The following WNT9B variants were observed in gnomAD, a reference collection of about 807,000 sequenced individuals.
WNT9B encodes the protein Wnt family member 9B.
Under a neutral mutation model 30.2 loss-of-function variants are expected in WNT9B, and 12 were observed. The observed-to-expected ratio is 0.40, with a 90% CI of 0.26 to 0.64. WNT9B has a LOEUF of 0.64. Ranked by LOEUF, WNT9B falls within the 30% of genes least tolerant of loss-of-function variation. WNT9B has a pLI of 0.42. For synonymous variants in WNT9B, 218 were observed against 216.9 expected (o/e 1.01, Z -0.05); for missense variants, 442 against 485.2 (o/e 0.91, Z 0.84).
At chr17:46,871,937 A>G (rs1046561379) in intron 1 of WNT9B, among the ~76,000 whole-genome samples, 28 of 152,190 alleles carry the variant, frequency 1.8e-4, no homozygotes, top group African/African-American at 6.8e-4. Flanking sequence ...TTATGGAAAC[A>G]TGTTAGATTG....
intron 1 of WNT9B, among the ~76,000 whole-genome samples, chr17:46,845,792 T>G (rs2084769528): frequency 6.9e-6 from 1 of 145,050 alleles, no homozygotes; most frequent in African/African-American, 2.6e-5. Context: ...TGGCTTTTTT[T>G]TTTTTTTTTT....
intron 1 of WNT9B, among the ~76,000 whole-genome samples, chr17:46,844,499 A>G (rs929641360): frequency 6.6e-6 from 1 of 152,060 alleles, no homozygotes; most frequent in African/African-American, 2.4e-5. Flanking sequence ...ACTTCCTGTA[A>G]ACTTATTTGT....
At chr17:46,876,221 G>C in intron 3 of WNT9B, 24 bp from the exon 4 acceptor site, 1 of 1,574,988 alleles carries the variant, frequency 6.3e-7, no homozygotes, top group South Asian at 1.2e-5. Flanking sequence ...CTCTGACCAC[G>C]CCTCTGTTCT....
At chr17:46,839,522 TTATATA>T (rs757322716) in intron 1 of WNT9B, among the ~76,000 whole-genome samples, 1 of 151,486 alleles carries the variant, frequency 6.6e-6, no homozygotes, top group Non-Finnish European at 1.5e-5. Flanking sequence ...TGTAAATTCT[TTATATA>T]TATATATATG....
intron 1 of WNT9B, among the ~76,000 whole-genome samples, chr17:46,853,456 C>A (rs139417143): frequency 6.7e-6 from 1 of 149,034 alleles, no homozygotes; most frequent in Non-Finnish European, 1.5e-5. Context: ...ACTGCAACCT[C>A]CATCTCATGG....
intron 1 of WNT9B, among the ~76,000 whole-genome samples, chr17:46,862,214 T>C (rs865839434): frequency 4.8e-5 from 7 of 145,054 alleles, no homozygotes; most frequent in Middle Eastern, 3.3e-3. Flanking sequence ...AAAAGTAATA[T>C]AGGAGGTAGG....
intron 2 of WNT9B, among the ~76,000 whole-genome samples, chr17:46,874,721 G>T (rs1332694076): frequency 6.6e-6 from 1 of 152,080 alleles, no homozygotes; most frequent in Non-Finnish European, 1.5e-5. Flanking sequence ...GGGAATATTG[G>T]CATGTACCAC....
downstream of WNT9B, among the ~76,000 whole-genome samples, chr17:46,883,407 A>G (rs1409986773): frequency 1.3e-5 from 2 of 149,546 alleles, no homozygotes; most frequent in African/African-American, 2.5e-5. Context: ...GCCTCAGCCT[A>G]TAGAGTAGCT....
At chr17:46,883,876 C>A (rs940770249), downstream of WNT9B, among the ~76,000 whole-genome samples, 7 of 152,198 alleles carry the variant, frequency 4.6e-5, no homozygotes, top group Non-Finnish European at 8.8e-5. Context: ...CTTATCCCCC[C>A]ACTCCCATCC....
At chr17:46,883,186 G>A (rs1032354157), downstream of WNT9B, among the ~76,000 whole-genome samples, 6 of 151,822 alleles carry the variant, frequency 4.0e-5, no homozygotes, top group African/African-American at 9.7e-5. Context: ...GTTTCACCAC[G>A]TTAGCCAGGA....
In WNT9B at chr17:46,877,556, G is replaced by A. The variant is rs1025231849; in HGVS notation, c.*838G>A. 2.6e-5 allele frequency among the ~76,000 whole-genome samples: 4 copies of A among 152,154 alleles called. No individual in the cohort carries two copies. Among genetic ancestry groups the A allele is most frequent in the African/African-American group, 7.2e-5 (3 of 41,450 alleles). ...AACAGGGAGACAACGGCCCCTCCCT[G>A]TGTTCCCTGCTGGCCAAAGGAATCT... is the stretch of plus-strand genomic sequence containing the variant. On this transcript the variant is annotated 3_prime_UTR_variant, in exon 4 of 4. Coordinates refer to ENST00000290015, the MANE Select transcript of WNT9B (RefSeq NM_003396.3).
At chr17:46,853,475 G>A (rs1308066905) in intron 1 of WNT9B, among the ~76,000 whole-genome samples, 2 of 147,326 alleles carry the variant, frequency 1.4e-5, no homozygotes, top group Non-Finnish European at 3.0e-5. Flanking sequence ...GGGTTCAAGC[G>A]ATTCTCCTGC....
chr17:46,864,236 A>T (rs1424976727), intron 1 of WNT9B, among the ~76,000 whole-genome samples: 1 of 152,160 alleles, frequency 6.6e-6, no homozygotes, highest in Non-Finnish European at 1.5e-5. Flanking sequence ...AGAGTCACCC[A>T]GTACCCTGGT....
intron 2 of WNT9B, among the ~76,000 whole-genome samples, chr17:46,873,988 C>CAA (rs397857419): frequency 1.1e-3 from 76 of 69,708 alleles, no homozygotes; most frequent in Non-Finnish European, 1.8e-3. Context: ...GACTCTGTCT[C>CAA]AAAAAAAAAA....
intron 1 of WNT9B, among the ~76,000 whole-genome samples, chr17:46,836,491 T>G (rs2084634299): frequency 6.6e-6 from 1 of 152,168 alleles, no homozygotes; most frequent in Non-Finnish European, 1.5e-5. Flanking sequence ...TTTACACTGA[T>G]AAGAGGAAGA....
At position 46,875,224 on chromosome 17, in the gene WNT9B, G is replaced by T. The variant is rs757486834; in HGVS notation, c.458G>T (p.Ser153Ile). 2.5e-6 allele frequency: 4 copies of T among 1,614,104 alleles called. No individual in the cohort carries two copies. The South Asian group carries it at 3.3e-5, about 13-fold the overall frequency. ...CTCDDSPGLE[S>I]RQAWQWGVCG... is the part of the protein sequence containing the mutation. Reference sequence around the variant, plus strand: ...TGTGATGACTCTCCGGGGCTGGAGAGCCGGCAGGCCTGGCAGTGGGGCGTG... The same window carrying T: ...TGTGATGACTCTCCGGGGCTGGAGATCCGGCAGGCCTGGCAGTGGGGCGTG... The change falls in exon 3 of 4, where the codon AGC (serine) becomes ATC (isoleucine). Residue 153 changes from serine to isoleucine, a missense_variant. Physicochemically the swap from Ser to Ile is moderately radical, Grantham distance 142 (BLOSUM62 -2). Coordinates refer to ENST00000290015, the MANE Select transcript of WNT9B (RefSeq NM_003396.3).
At chr17:46,837,098 A>G (rs1470110427) in intron 1 of WNT9B, among the ~76,000 whole-genome samples, 1 of 152,080 alleles carries the variant, frequency 6.6e-6, no homozygotes, top group East Asian at 1.9e-4. Flanking sequence ...ACTCGCCACC[A>G]TGCTAGGCTA....
intron 3 of WNT9B, among the ~76,000 whole-genome samples, 189 bp downstream of exon 3, chr17:46,875,555 C>T (rs772395578): frequency 6.6e-6 from 1 of 152,194 alleles, no homozygotes; most frequent in African/African-American, 2.4e-5. Flanking sequence ...GACTGGGTGC[C>T]AGGAACACAG....
chr17:46,840,172 C>T (rs556531324), intron 1 of WNT9B, among the ~76,000 whole-genome samples: 5 of 149,630 alleles, frequency 3.3e-5, no homozygotes, highest in South Asian at 4.3e-4. Context: ...CTGCAAGCTC[C>T]GCCTCCTGGA....
Sources: gnomAD v4.1 joint callset for allele counts (sites outside exome capture counted in the v4.1 genomes callset) on GRCh38, gnomAD v4.1.1 for gene constraint, MANE v1.5 for transcripts, NCBI Gene and HGNC (gene_info 2026-07-23, HGNC 2026-07-21) for gene names.